Variants in ZNF407 observed in about 807,000 individuals in gnomAD.
ZNF407 encodes the protein zinc finger protein 407.
In ZNF407, 17 loss-of-function variants were observed where a neutral mutation model predicts 131.2. That is an observed-to-expected ratio of 0.13 (90% CI 0.09 to 0.19). The LOEUF (loss-of-function observed/expected upper bound fraction) is 0.19. ZNF407 is among the 10% of genes least tolerant of loss of function. The probability of loss-of-function intolerance (pLI) is 1.00; values close to 1 mark genes in which losing one functional copy is unlikely to be tolerated. For synonymous variants in ZNF407, 1,156 were observed against 1,062.0 expected (o/e 1.09, Z -1.72); for missense variants, 2,681 against 2,830.6 (o/e 0.95, Z 1.20).
Position 75,064,167 on chromosome 18 carries a change from A to T in ZNF407, c.6446A>T (p.Glu2149Val). ...DGEISQIIVT[E>V]ELVQAMVQES... ...GAGATCTCGCAGATCATCGTGACGGAGGAGCTGGTCCAGGCCATGGTGCAG... is the reference window on the plus strand; with the variant it reads ...GAGATCTCGCAGATCATCGTGACGGTGGAGCTGGTCCAGGCCATGGTGCAG... The change falls in exon 9 of 9, where the codon GAG becomes GTG. Residue 2149 changes from glutamate to valine, a missense_variant. Glu to Val is a moderately radical substitution (Grantham distance 121). This residue lies in a region of ZNF407 where 620 missense variants were observed against 583.1 expected (regional missense o/e 1.06). Coordinates refer to ENST00000299687, the MANE Select transcript of ZNF407 (RefSeq NM_017757.3). 6.2e-7 allele frequency: 1 copy of T among 1,604,318 alleles called. No individual in the cohort carries two copies.
At chr18:74,768,372 G>A (rs767682701) in intron 3 of ZNF407, among the ~76,000 whole-genome samples, 3 of 152,176 alleles carry the variant, frequency 2.0e-5, no homozygotes, top group African/African-American at 4.8e-5. Flanking sequence ...ACATGTGATC[G>A]TAGTGTCAAT....
intron 8 of ZNF407, among the ~76,000 whole-genome samples, chr18:74,938,036 T>C (rs1463158118): frequency 6.6e-6 from 1 of 152,234 alleles, no homozygotes; most frequent in Non-Finnish European, 1.5e-5. Flanking sequence ...TTGTGTTTCA[T>C]GAATAGATTG....
intron 8 of ZNF407, among the ~76,000 whole-genome samples, chr18:74,957,621 A>T (rs188317211): frequency 5.9e-5 from 9 of 152,326 alleles, no homozygotes; most frequent in Admixed American, 5.9e-4. Context: ...GGATGTCAGC[A>T]TTGACAGTTG....
intron 1 of ZNF407, among the ~76,000 whole-genome samples, chr18:74,625,429 A>G (rs1983745476): frequency 6.6e-6 from 1 of 152,046 alleles, no homozygotes; most frequent in Non-Finnish European, 1.5e-5. Flanking sequence ...ATGTATTTGG[A>G]AAGTGGAACT....
chr18:74,965,782 T>C (rs1352885088), intron 8 of ZNF407, among the ~76,000 whole-genome samples: 1 of 152,234 alleles, frequency 6.6e-6, no homozygotes, highest in African/African-American at 2.4e-5. Flanking sequence ...AACAACACTG[T>C]TTAAGGGCTC....
chr18:74,886,990 C>T (rs551092605), intron 6 of ZNF407, among the ~76,000 whole-genome samples: 1 of 152,226 alleles, frequency 6.6e-6, no homozygotes, highest in African/African-American at 2.4e-5. Context: ...CCTAGTGCTT[C>T]CTTTGTGTTT....
intron 3 of ZNF407, among the ~76,000 whole-genome samples, chr18:74,715,191 C>T (rs1967865535): frequency 6.6e-6 from 1 of 152,194 alleles, no homozygotes; most frequent in Non-Finnish European, 1.5e-5. Flanking sequence ...CCACTCTGAA[C>T]TTGAAATGTG....
In ZNF407 at chr18:74,623,361, C is replaced by T. The variant is rs567064235; in HGVS notation, c.-53-7606C>T. Among the ~76,000 whole-genome samples, 6 of 152,040 alleles carry T rather than the reference C, an allele frequency of 3.9e-5. 1 individual carries two copies. The highest frequency in any genetic ancestry group is 2.0e-4 in the Admixed American group (3 of 15,264). On this transcript the variant is annotated intron_variant, in intron 1 of 8. Transcript: ENST00000299687. The stretch of plus-strand genomic sequence containing the variant: ...ATGTGTGAGTGTGAGTGCGCGTGTG[C>T]GTCTGTGACTTTGGGTGTGTGCACA...
chr18:74,942,093 A>G (rs1972105973), intron 8 of ZNF407, among the ~76,000 whole-genome samples: 1 of 152,214 alleles, frequency 6.6e-6, no homozygotes, highest in Non-Finnish European at 1.5e-5. Context: ...CATGTGTGAA[A>G]GTTCTTTGCA....
At chr18:74,930,236 A>G (rs1186822654) in intron 8 of ZNF407, among the ~76,000 whole-genome samples, 1 of 152,192 alleles carries the variant, frequency 6.6e-6, no homozygotes, top group Non-Finnish European at 1.5e-5. Flanking sequence ...TTAATTTGGA[A>G]TAGTGTGATG....
chr18:74,930,386 C>T (rs1971968816), intron 8 of ZNF407, among the ~76,000 whole-genome samples: 1 of 152,172 alleles, frequency 6.6e-6, no homozygotes, highest in Admixed American at 6.5e-5. Context: ...TGGCAGCTTC[C>T]TGGTTTTACC....
chr18:74,633,844 C>T lies in ZNF407; in HGVS notation c.2825C>T (p.Ser942Leu). 1 of 1,613,976 alleles carries T rather than the reference C, an allele frequency of 6.2e-7. No homozygotes were observed. Among genetic ancestry groups the T allele is most frequent in the Non-Finnish European group, 8.5e-7 (1 of 1,179,884 alleles). The change falls in exon 2 of 9, where the codon TCA (serine) becomes TTA (leucine). Residue 942 changes from serine to leucine, a missense_variant. By Grantham distance (145) the Ser-to-Leu change is moderately radical (BLOSUM62 -2). Transcript: ENST00000299687. ...KKNAGSAVTM[S>L]DEHANKPAES... Reference sequence around the variant, plus strand: ...AATGCTGGCTCAGCAGTGACCATGTCAGATGAACATGCTAACAAACCAGCT... The same window carrying T: ...AATGCTGGCTCAGCAGTGACCATGTTAGATGAACATGCTAACAAACCAGCT...
intron 4 of ZNF407, among the ~76,000 whole-genome samples, chr18:74,841,769 C>A (rs995548250): frequency 1.3e-5 from 2 of 152,120 alleles, no homozygotes; most frequent in Admixed American, 6.5e-5. Flanking sequence ...TTAGGAAATT[C>A]CGTGATGAAA....
At chr18:74,702,629 A>G (rs1191011612) in intron 3 of ZNF407, among the ~76,000 whole-genome samples, 1 of 152,156 alleles carries the variant, frequency 6.6e-6, no homozygotes, top group Non-Finnish European at 1.5e-5. Flanking sequence ...TTTCCAGTGC[A>G]TGTAAATGAG....
chr18:74,820,638 C>G (rs1970327577), intron 4 of ZNF407, among the ~76,000 whole-genome samples: 3 of 152,172 alleles, frequency 2.0e-5, no homozygotes, highest in African/African-American at 4.8e-5. Context: ...GTCGTTCAAC[C>G]TTGCCATTCT....
Position 74,635,577 on chromosome 18 carries a change from A to G in ZNF407, c.4558A>G (p.Ile1520Val), listed in dbSNP as rs377064306. ...ATTGCTGCGGGAGGTGAATAAGTATATAGTGGAAGACACTGAGCAAATCAA... is the reference window on the plus strand; with the variant it reads ...ATTGCTGCGGGAGGTGAATAAGTATGTAGTGGAAGACACTGAGCAAATCAA... Reference protein sequence around the residue: ...EELLREVNKYIVEDTEQINRE... With the variant: ...EELLREVNKYVVEDTEQINRE... The change falls in exon 2 of 9, where the codon ATA becomes GTA. Residue 1520 changes from isoleucine (I) to valine (V), a missense_variant. By Grantham distance (29) the Ile-to-Val change is conservative. Coordinates refer to ENST00000299687, the MANE Select transcript of ZNF407 (RefSeq NM_017757.3). The surrounding 1 kb of genome is among the most constrained non-coding windows in gnomAD (Gnocchi z 4.7). The G allele has an allele frequency of 3.1e-6, 5 of 1,613,914 alleles. No individual in the cohort carries two copies. The highest frequency in any genetic ancestry group is 4.2e-6 in the Non-Finnish European group (5 of 1,179,896).
intron 3 of ZNF407, among the ~76,000 whole-genome samples, chr18:74,744,969 A>T (rs1219813297): frequency 1.3e-5 from 2 of 152,066 alleles, no homozygotes; most frequent in Non-Finnish European, 2.9e-5. Context: ...ATCCATGGTA[A>T]ATCTGTAAAA....
chr18:74,917,932 T>C (rs1971794644), intron 7 of ZNF407, among the ~76,000 whole-genome samples: 1 of 152,194 alleles, frequency 6.6e-6, no homozygotes, highest in Non-Finnish European at 1.5e-5. Flanking sequence ...CTCTCCCCAG[T>C]GTCAGTAAAC....
At chr18:74,628,872 G>T (rs2144655170) in intron 1 of ZNF407, among the ~76,000 whole-genome samples, 1 of 152,240 alleles carries the variant, frequency 6.6e-6, no homozygotes, top group South Asian at 2.1e-4. Context: ...GAGCTACCGT[G>T]CCTGGCCGAT....
Sources: allele counts gnomAD v4.1 joint callset (sites outside exome capture counted in the v4.1 genomes callset), GRCh38; gene constraint gnomAD v4.1.1; regional missense constraint gnomAD v4.1.1; non-coding constraint Gnocchi (gnomAD v3.1); transcripts MANE v1.5; gene names NCBI Gene and HGNC (gene_info 2026-07-23, HGNC 2026-07-21).